POLR3E: variants seen among roughly 807,000 people sequenced by gnomAD.
The protein encoded by POLR3E is DNA-directed RNA polymerase III subunit RPC5.
POLR3E carries 41 observed loss-of-function variants against 96.6 expected under a neutral mutation model. That is an observed-to-expected ratio of 0.42 (90% confidence interval 0.33 to 0.55). POLR3E has a LOEUF of 0.55. Among genes scored for constraint, POLR3E ranks in the 20% least tolerant of loss-of-function variants. POLR3E has a pLI of 0.06. For synonymous variants in POLR3E, 396 were observed against 383.6 expected (o/e 1.03, Z -0.38); for missense variants, 849 against 952.1 (o/e 0.89, Z 1.43).
chr16:22,302,998 A>G lies in POLR3E; in HGVS notation c.30A>G (p.Val10=). Residue 10 remains valine, a synonymous_variant, in exon 2 of 21, where the codon GTA becomes GTG. Coordinates refer to ENST00000299853, the MANE Select transcript of POLR3E (RefSeq NM_018119.4). MANEEDDPV[V]QEIDVYLAKS... is the part of the protein sequence containing the mutation. ...CCAATGAAGAGGATGACCCAGTTGT[A>G]CAGGAGGTAACTGCTGCTCTCTGTC... 10 of 1,613,922 alleles carry G rather than the reference A, an allele frequency of 6.2e-6. No individual in the cohort carries two copies. Among genetic ancestry groups the G allele is most frequent in the Non-Finnish European group, 7.6e-6 (9 of 1,179,854 alleles).
chr16:22,312,391 G>A (rs2048264630), intron 6 of POLR3E, among the ~76,000 whole-genome samples: 1 of 152,142 alleles, frequency 6.6e-6, no homozygotes, highest in Non-Finnish European at 1.5e-5. Flanking sequence ...CAGTTATGCA[G>A]GAGGCTGAGG....
rs1396253859 is a variant in POLR3E at position 22,326,031 on chromosome 16, C to T, written c.1619C>T (p.Ala540Val). 8 of 1,601,252 alleles carry T rather than the reference C, an allele frequency of 5.0e-6. No homozygotes were observed. Among genetic ancestry groups the T allele is most frequent in the South Asian group, 1.1e-5 (1 of 89,550 alleles). ...AACGGGCTGCCTCTCGGGCGGGCTG[C>T]GGGCACAGACAGCTTCAACGGGCAC... ...LANGLPLGRA[A>V]GTDSFNGHPP... The change falls in exon 18 of 21, where the codon GCG (alanine) becomes GTG (valine). Residue 540 changes from alanine to valine, a missense_variant. By Grantham distance (64) the Ala-to-Val change is moderately conservative. Transcript: ENST00000299853.
chr16:22,297,716 A>G (rs1242673996), intron 1 of POLR3E, among the ~76,000 whole-genome samples, 179 bp downstream of exon 1: 1 of 152,100 alleles, frequency 6.6e-6, no homozygotes, highest in Non-Finnish European at 1.5e-5. Flanking sequence ...CCGACCCCGG[A>G]CTCTGACTTC....
intron 19 of POLR3E, among the ~76,000 whole-genome samples, chr16:22,331,199 G>A (rs373005708): frequency 1.3e-5 from 2 of 151,738 alleles, no homozygotes; most frequent in East Asian, 1.9e-4. Context: ...GGCTGGTCTC[G>A]AACTCCTGAC....
intron 17 of POLR3E, 147 bp downstream of exon 17, chr16:22,325,413 C>G: frequency 1.4e-6 from 1 of 724,756 alleles, no homozygotes; most frequent in Admixed American, 2.3e-5. Context: ...TTCCTGCCAC[C>G]CACAGACCGC....
chr16:22,297,990 T>A (rs2047931176), intron 1 of POLR3E, among the ~76,000 whole-genome samples: 1 of 152,204 alleles, frequency 6.6e-6, no homozygotes, highest in African/African-American at 2.4e-5. Context: ...GGAGGGCACC[T>A]GCGCCTGCCG....
chr16:22,298,929 A>G (rs527334820), intron 1 of POLR3E: 331 of 454,854 alleles, frequency 7.3e-4, no homozygotes, highest in Non-Finnish European at 1.3e-3. Flanking sequence ...GATGAAGTAA[A>G]GTATGATTGT....
intron 19 of POLR3E, among the ~76,000 whole-genome samples, chr16:22,330,742 G>C (rs1380601444): frequency 6.6e-6 from 1 of 152,050 alleles, no homozygotes; most frequent in African/African-American, 2.4e-5. Context: ...CAGTATTACT[G>C]TTTGTCTGGG....
At position 22,313,652 on chromosome 16, in the gene POLR3E, C is replaced by T. The variant is rs2048293573; in HGVS notation, c.397C>T (p.Leu133=). 2 of 1,613,948 alleles carry T rather than the reference C, an allele frequency of 1.2e-6. No individual in the cohort carries two copies. The part of the protein sequence containing the change: ...ELHLTPLHGI[L]QLRPSFSYLD... Reference sequence around the variant, plus strand: ...CCACCTGACACCTTTACATGGCATCCTGCAGCTGCGGCCCAGCTTCTCCTA... The same window carrying T: ...CCACCTGACACCTTTACATGGCATCTTGCAGCTGCGGCCCAGCTTCTCCTA... Residue 133 remains leucine, a synonymous_variant, in exon 7 of 21, where the codon CTG becomes TTG. Coordinates refer to ENST00000299853, the MANE Select transcript of POLR3E (RefSeq NM_018119.4). This position sits in a 1 kb window ranked among gnomAD's most constrained non-coding sequence, Gnocchi z 4.1.
chr16:22,299,571 G>A (rs939311324), intron 1 of POLR3E, among the ~76,000 whole-genome samples: 2 of 151,680 alleles, frequency 1.3e-5, no homozygotes, highest in South Asian at 2.1e-4. Flanking sequence ...GCATCACCAC[G>A]CCTGGCTAAT....
chr16:22,297,953 G>C (rs1287691130), intron 1 of POLR3E, among the ~76,000 whole-genome samples: 1 of 152,266 alleles, frequency 6.6e-6, no homozygotes, highest in Non-Finnish European at 1.5e-5. Context: ...GCGAGGCTCG[G>C]GATCGGCGGC....
In POLR3E at chr16:22,326,189, C is replaced by T. The variant is rs377754724; in HGVS notation, c.1777C>T (p.Pro593Ser). ...CTTCAATCTGCACTTGGCCAGCCTG[C>T]CCCCCGGCCACACACTCTTCAGCGG... Reference protein sequence around the residue: ...RLFNLHLASLPPGHTLFSGIS... With the variant: ...RLFNLHLASLSPGHTLFSGIS... Residue 593 changes from proline to serine, a missense_variant, in exon 18 of 21, where the codon CCC (proline) becomes TCC (serine). Pro to Ser is a moderately conservative substitution (Grantham distance 74). Transcript: ENST00000299853. The T allele has an allele frequency of 3.3e-5, 54 of 1,613,770 alleles. No homozygotes were observed. Among genetic ancestry groups the T allele is most frequent in the Non-Finnish European group, 4.3e-5 (51 of 1,179,932 alleles).
chr16:22,323,267 G>A (rs1230630249), intron 14 of POLR3E, among the ~76,000 whole-genome samples: 1 of 152,132 alleles, frequency 6.6e-6, no homozygotes, highest in Non-Finnish European at 1.5e-5. Context: ...ATGTCTAGCT[G>A]TCAAGGGTAA....
intron 19 of POLR3E, 192 bp from the exon 20 acceptor site, chr16:22,331,863 TTTGTG>T: frequency 3.8e-6 from 2 of 528,932 alleles, no homozygotes; most frequent in South Asian, 4.6e-5. Context: ...TGCCTTTACT[TTTGTG>T]TTTTTATTTC....
chr16:22,333,924 T>C lies in POLR3E; in HGVS notation c.*224T>C. ...TCCCAGAAGAGACCAGCTGGGACCT[T>C]CTTTGCAGTACAATTTGAAATTCCT... On this transcript the variant is annotated 3_prime_UTR_variant, in exon 21 of 21. Coordinates refer to ENST00000299853, the MANE Select transcript of POLR3E (RefSeq NM_018119.4). 1 of 442,862 alleles carries C rather than the reference T, an allele frequency of 2.3e-6. No homozygotes were observed. The highest frequency in any genetic ancestry group is 4.0e-6 in the Non-Finnish European group (1 of 249,062). 27.4% of individuals were successfully genotyped at this position (442,862 alleles called of 1,614,324 possible). A position where few individuals can be genotyped will look rare whatever the true frequency, so the allele number is the denominator to read the frequency against.
chr16:22,322,961 G>A lies in POLR3E; in HGVS notation c.1068+30G>A, dbSNP rs1033790712. On this transcript the variant is annotated intron_variant, in intron 14 of 20. Coordinates refer to ENST00000299853, the MANE Select transcript of POLR3E (RefSeq NM_018119.4). This position sits in a 1 kb window ranked among gnomAD's most constrained non-coding sequence, Gnocchi z 5.2. ...GTACCTTGGGTTCTCTGGACTCACG[G>A]TGGGGGCGTGGGAAGAGGGGGGCAG... 1 of 1,491,712 alleles carries A rather than the reference G, an allele frequency of 6.7e-7. No individual in the cohort carries two copies. Among genetic ancestry groups the A allele is most frequent in the African/African-American group, 1.4e-5 (1 of 72,544 alleles). 92.4% of individuals were successfully genotyped at this position (1,491,712 alleles called of 1,614,324 possible).
Position 22,333,846 on chromosome 16 carries a change from A to G in POLR3E, c.*146A>G. On this transcript the variant is annotated 3_prime_UTR_variant, in exon 21 of 21. Coordinates refer to ENST00000299853, the MANE Select transcript of POLR3E (RefSeq NM_018119.4). ...TGTGGCATTGCACGGTGCAGTGGAC[A>G]GAAGGGATTATCCTCAGCCAGTCGC... 1.6e-6 allele frequency: 1 copy of G among 608,138 alleles called. No homozygotes were observed. Among genetic ancestry groups the G allele is most frequent in the Non-Finnish European group, 3.0e-6 (1 of 331,652 alleles). The allele number at this position is 608,138 out of a possible 1,614,324, so 37.7% of individuals were successfully genotyped here.
chr16:22,310,576 C>T (rs906131793), intron 6 of POLR3E, among the ~76,000 whole-genome samples: 3 of 150,072 alleles, frequency 2.0e-5, no homozygotes, highest in Admixed American at 6.6e-5. Context: ...TGTGAGCCAC[C>T]ATGCCCGGCC....
At chr16:22,324,039 C>A (rs1452648924) in intron 14 of POLR3E, among the ~76,000 whole-genome samples, 2 of 151,874 alleles carry the variant, frequency 1.3e-5, no homozygotes, top group Non-Finnish European at 2.9e-5. Context: ...TCTGTGGGAG[C>A]CCCTCCCAGC....
Sources: allele counts gnomAD v4.1 joint callset (sites outside exome capture counted in the v4.1 genomes callset), GRCh38; gene constraint gnomAD v4.1.1; non-coding constraint Gnocchi (gnomAD v3.1); transcripts MANE v1.5; gene names NCBI Gene and HGNC (gene_info 2026-07-23, HGNC 2026-07-21).